Variants in ETFDH observed in about 807,000 individuals in gnomAD.
The protein encoded by ETFDH is electron transfer flavoprotein dehydrogenase, also known as electron transfer flavoprotein-ubiquinone oxidoreductase, mitochondrial.
Under a neutral mutation model 73.2 loss-of-function variants are expected in ETFDH, and 61 were observed. The observed-to-expected ratio is 0.83, with a 90% confidence interval of 0.68 to 1.03. The LOEUF is 1.03. Ranked by LOEUF, ETFDH falls within the 50% of genes least tolerant of loss-of-function variation. ETFDH has a pLI of 0.00. For missense variants in ETFDH, 685 were observed against 745.0 expected (o/e 0.92, Z 0.94); for synonymous variants, 243 against 253.3 (o/e 0.96, Z 0.39).
At chr4:158,682,453 C>T (rs1773888568) in intron 3 of ETFDH, 29 bp downstream of exon 3, 1 of 1,530,452 alleles carries the variant, frequency 6.5e-7, no homozygotes, top group African/African-American at 1.4e-5. Context: ...TATACAAAGT[C>T]TAATCTTTTG....
Position 158,682,279 on chromosome 4 carries a change from T to C in ETFDH, c.260T>C (p.Leu87Pro). 6.2e-7 allele frequency: 1 copy of C among 1,614,186 alleles called. No individual in the cohort carries two copies. Among genetic ancestry groups the C allele is most frequent in the Non-Finnish European group, 8.5e-7 (1 of 1,180,024 alleles). The change falls in exon 3 of 13, where the codon CTA becomes CCA. Residue 87 changes from leucine to proline, a missense_variant. By Grantham distance (98) the Leu-to-Pro change is moderately conservative (BLOSUM62 -3). Around this residue, in one of 3 missense-constraint regions of ETFDH, gnomAD observed 405 missense variants for 399.3 expected, o/e 1.01. Transcript: ENST00000511912. ...GPAGLSAAVR[L>P]KQLAVAHEKD... is the part of the protein sequence containing the mutation. Reference sequence around the variant, plus strand: ...GCAGGGCTCTCTGCAGCTGTTCGTCTAAAACAGTTGGCTGTGGCACATGAA... The same window carrying C: ...GCAGGGCTCTCTGCAGCTGTTCGTCCAAAACAGTTGGCTGTGGCACATGAA...
intron 6 of ETFDH, among the ~76,000 whole-genome samples, chr4:158,693,163 T>C (rs2150310211): frequency 6.6e-6 from 1 of 152,330 alleles, no homozygotes; most frequent in African/African-American, 2.4e-5. Context: ...CAGCTCTTGT[T>C]AGAGTCACAA....
At chr4:158,676,148 C>G (rs1262659672) in intron 1 of ETFDH, among the ~76,000 whole-genome samples, 1 of 152,140 alleles carries the variant, frequency 6.6e-6, no homozygotes, top group Non-Finnish European at 1.5e-5. Flanking sequence ...TCCCCGAAAA[C>G]TTGGAGACTG....
rs746043622 is a variant in ETFDH at position 158,684,666 on chromosome 4, T to C, written c.480T>C (p.Ile160=). 2 of 1,533,988 alleles carry C rather than the reference T, an allele frequency of 1.3e-6. 1 individual carries two copies. Among genetic ancestry groups the C allele is most frequent in the South Asian group, 2.2e-5 (2 of 89,406 alleles). Residue 160 remains isoleucine (I), a synonymous_variant, in exon 4 of 13, where the codon ATT becomes ATC. Coordinates refer to ENST00000511912, the MANE Select transcript of ETFDH (RefSeq NM_004453.4). ...LTEKYRIPVP[I]LPGLPMNNHG... The stretch of plus-strand genomic sequence containing the variant: ...AGAAATACAGAATTCCTGTGCCAAT[T>C]CTTCCAGGTAAGGTATAGTGAATAT...
intron 6 of ETFDH, among the ~76,000 whole-genome samples, chr4:158,694,856 T>C (rs1003969263): frequency 2.3e-4 from 35 of 152,226 alleles, no homozygotes; most frequent in African/African-American, 7.9e-4. Flanking sequence ...AAAGCACCAA[T>C]ATTGTACGTG....
intron 6 of ETFDH, among the ~76,000 whole-genome samples, chr4:158,692,898 T>G (rs931296885): frequency 4.8e-5 from 7 of 146,700 alleles, no homozygotes; most frequent in African/African-American, 1.7e-4. Context: ...AACATATATA[T>G]ATATATATAT....
At chr4:158,685,771 C>A (rs1773988442) in intron 5 of ETFDH, among the ~76,000 whole-genome samples, 1 of 152,074 alleles carries the variant, frequency 6.6e-6, no homozygotes, top group East Asian at 1.9e-4. Context: ...ACCCGATAAC[C>A]CAGTGAGGTC....
chr4:158,677,636 T>C (rs1254756684), intron 1 of ETFDH, among the ~76,000 whole-genome samples: 1 of 152,222 alleles, frequency 6.6e-6, no homozygotes, highest in African/African-American at 2.4e-5. Context: ...TAGGGCCTGT[T>C]GTCATGTGAT....
chr4:158,672,422 G>T lies in ETFDH; in HGVS notation c.-35G>T. 1 of 1,613,626 alleles carries T rather than the reference G, an allele frequency of 6.2e-7. No homozygotes were observed. The highest frequency in any genetic ancestry group is 8.5e-7 in the Non-Finnish European group (1 of 1,179,536). ...GCCGCGAGCAGCGGACAGTCCTCCT[G>T]TTGTGTCCGACCGAGAGTCCTGGTG... On this transcript the variant is annotated 5_prime_UTR_variant, in exon 1 of 13. Coordinates refer to ENST00000511912, the MANE Select transcript of ETFDH (RefSeq NM_004453.4).
intron 8 of ETFDH, among the ~76,000 whole-genome samples, chr4:158,698,225 A>G (rs1484157714): frequency 6.6e-6 from 1 of 152,234 alleles, no homozygotes; most frequent in Non-Finnish European, 1.5e-5. Context: ...ATTACAAAGA[A>G]TGGAAAAATT....
chr4:158,697,612 TG>T lies in ETFDH; in HGVS notation c.887del (p.Gly296ValfsTer17). Reference protein sequence around the residue: ...WKPGRVDHTVGWPLDRHTYGG... With the variant: ...WKPGRVDHTVXWPLDRHTYGG... ...AACCTGGGAGAGTAGATCACACTGT[TG>T]GTTGGCCCTTGGACAGACATACCTA... On this transcript the variant is annotated frameshift_variant, in exon 8 of 13. Transcript: ENST00000511912. LOFTEE classifies it high-confidence loss of function. 6 of 1,613,596 alleles carry T rather than the reference TG, an allele frequency of 3.7e-6. No homozygotes were observed. The highest frequency in any genetic ancestry group is 5.1e-6 in the Non-Finnish European group (6 of 1,179,570).
In ETFDH at chr4:158,690,370, G is replaced by A. The variant is rs750887311; in HGVS notation, c.629G>A (p.Ser210Asn). The A allele has an allele frequency of 1.3e-6, 2 of 1,596,538 alleles. No homozygotes were observed. The highest frequency in any genetic ancestry group is 1.7e-6 in the Non-Finnish European group (2 of 1,164,206). The change falls in exon 6 of 13, where the codon AGT becomes AAT. Residue 210 changes from serine to asparagine, a missense_variant. Transcript: ENST00000511912. ...TAGGTCCTTTTTCATGATGATGGTA[G>A]TGTAAAAGGAATTGCCACTAACGAT... ...AAEVLFHDDG[S>N]VKGIATNDVG...
At chr4:158,690,197 T>C (rs1290195718) in intron 5 of ETFDH, 151 bp from the exon 6 acceptor site, 4 of 620,518 alleles carry the variant, frequency 6.4e-6, no homozygotes, top group Non-Finnish European at 1.2e-5. Flanking sequence ...CCTTAATACA[T>C]GTCTCTTTAT....
intron 5 of ETFDH, among the ~76,000 whole-genome samples, chr4:158,687,721 T>C (rs1361847047): frequency 6.6e-6 from 1 of 152,196 alleles, no homozygotes; most frequent in Non-Finnish European, 1.5e-5. Context: ...TTGATTCTTA[T>C]TATGCATTAC....
At chr4:158,678,740 T>C (rs754572405) in intron 1 of ETFDH, among the ~76,000 whole-genome samples, 1 of 151,728 alleles carries the variant, frequency 6.6e-6, no homozygotes, top group Non-Finnish European at 1.5e-5. Flanking sequence ...CTCGAATTAC[T>C]GGGCTCTAGT....
At chr4:158,698,441 A>G (rs182322956) in intron 8 of ETFDH, among the ~76,000 whole-genome samples, 20 of 152,322 alleles carry the variant, frequency 1.3e-4, no homozygotes, top group African/African-American at 4.6e-4. Flanking sequence ...TTGGTAATGC[A>G]TTATAAAATA....
Position 158,684,792 on chromosome 4 carries a change from C to T in ETFDH, c.487+119C>T. On this transcript the variant is annotated intron_variant, in intron 4 of 12. Coordinates refer to ENST00000511912, the MANE Select transcript of ETFDH (RefSeq NM_004453.4). The stretch of plus-strand genomic sequence containing the variant: ...AACTGAGACCCAGATATTTGAAGGA[C>T]TTACTCAAAGCTATACAGCTAGCTG... 6.8e-6 allele frequency: 5 copies of T among 740,328 alleles called. No homozygotes were observed. In the South Asian group the frequency reaches 7.5e-5, roughly 11 times the overall value. The allele number at this position is 740,328 out of a possible 1,614,324, so 45.9% of individuals were successfully genotyped here.
intron 3 of ETFDH, among the ~76,000 whole-genome samples, chr4:158,684,313 C>T (rs1338199836): frequency 2.0e-5 from 3 of 151,644 alleles, no homozygotes; most frequent in African/African-American, 7.3e-5. Flanking sequence ...ACACTTGAAC[C>T]CAGGAGGCAG....
intron 6 of ETFDH, among the ~76,000 whole-genome samples, chr4:158,691,941 G>T (rs1774176182): frequency 6.6e-6 from 1 of 152,174 alleles, no homozygotes; most frequent in Non-Finnish European, 1.5e-5. Flanking sequence ...TGGAGATCCT[G>T]GGGTTATTCT....
Sources: gnomAD v4.1 joint callset for allele counts (sites outside exome capture counted in the v4.1 genomes callset) on GRCh38, gnomAD v4.1.1 for gene constraint, gnomAD v4.1.1 regional missense constraint, MANE v1.5 for transcripts, NCBI Gene and HGNC (gene_info 2026-07-23, HGNC 2026-07-21) for gene names.